Variants in ZBBX observed in about 807,000 individuals in gnomAD.
The protein encoded by ZBBX is zinc finger B-box domain containing.
Under a neutral mutation model 108.5 loss-of-function variants are expected in ZBBX, and 101 were observed. The ratio of observed to expected loss-of-function variants is 0.93; its 90% CI spans 0.79 to 1.10. The LOEUF (loss-of-function observed/expected upper bound fraction) is 1.10. Ranked by LOEUF, ZBBX falls within the 50% of genes least tolerant of loss-of-function variation. The probability of loss-of-function intolerance (pLI) is 0.00; values close to 1 mark genes in which losing one functional copy is unlikely to be tolerated. For missense variants in ZBBX, 1,009 were observed against 941.4 expected, an observed-to-expected ratio of 1.07 and a Z score of -0.94; for synonymous variants, 356 against 323.4, an observed-to-expected ratio of 1.10 and a Z score of -1.08.
chr3:167,183,927 A>C, the ZBBX span, among the ~76,000 whole-genome samples: 2 of 152,346 alleles, frequency 1.3e-5, no homozygotes, highest in African/African-American at 4.8e-5. Flanking sequence ...AGTCTGAGGA[A>C]TCATGAGAAC....
chr3:167,319,563 G>A (rs1736067345), intron 12 of ZBBX, among the ~76,000 whole-genome samples: 1 of 151,932 alleles, frequency 6.6e-6, no homozygotes, highest in Non-Finnish European at 1.5e-5. Context: ...AACCTTAAAG[G>A]AGGTAAGAAA....
chr3:167,358,935 C>CAAAA (rs59753251), intron 8 of ZBBX, among the ~76,000 whole-genome samples: 6 of 66,240 alleles, frequency 9.1e-5, no homozygotes, highest in Non-Finnish European at 1.5e-4. Context: ...GACTCCATCT[C>CAAAA]AAAAAAAAAA....
intron 10 of ZBBX, 86 bp downstream of exon 10, chr3:167,333,741 A>G: frequency 8.4e-7 from 1 of 1,187,576 alleles, no homozygotes; most frequent in Non-Finnish European, 1.1e-6. Flanking sequence ...TATTGGTGAA[A>G]TTCTATAGCT....
At chr3:167,299,179 G>A (rs957308464) in intron 17 of ZBBX, among the ~76,000 whole-genome samples, 2 of 152,038 alleles carry the variant, frequency 1.3e-5, no homozygotes, top group South Asian at 2.1e-4. Context: ...TGAGGTTATA[G>A]TATAATCAGA....
At chr3:167,345,780 A>C (rs1741338361) in intron 9 of ZBBX, among the ~76,000 whole-genome samples, 1 of 151,864 alleles carries the variant, frequency 6.6e-6, no homozygotes. Context: ...AAAAAGAACA[A>C]AGCTGGAGGC....
At chr3:167,212,642 C>A in the ZBBX span, among the ~76,000 whole-genome samples, 1 of 152,138 alleles carries the variant, frequency 6.6e-6, no homozygotes, top group African/African-American at 2.4e-5. Context: ...CCCTTGGCTA[C>A]AACCACTACT....
chr3:167,277,266 G>T (rs573333388), intron 20 of ZBBX, among the ~76,000 whole-genome samples: 1 of 152,076 alleles, frequency 6.6e-6, no homozygotes, highest in Admixed American at 6.5e-5. Flanking sequence ...AATGTAAATG[G>T]ACTAAATGCT....
the ZBBX span, among the ~76,000 whole-genome samples, chr3:167,218,574 A>G: frequency 6.6e-6 from 1 of 152,272 alleles, no homozygotes; most frequent in East Asian, 1.9e-4. Context: ...ATAATGGGTT[A>G]TAAGATATTA....
rs566250662 is a variant in ZBBX, at chr3:167,377,954, G to A, written c.-132+1684C>T. 2.0e-5 allele frequency among the ~76,000 whole-genome samples: 3 copies of A among 152,228 alleles called. No individual in the cohort carries two copies. In the East Asian group the frequency reaches 5.8e-4, roughly 29 times the overall value. ...ACAGTTTCCCCCACGCTATTTTCGT[G>A]ATAGTAAGTTCTCATGAGATCTGAT... is the stretch of plus-strand genomic sequence containing the variant. On this transcript the variant is annotated intron_variant, in intron 2 of 21. Coordinates refer to ENST00000675490, the MANE Select transcript of ZBBX (RefSeq NM_001199201.2).
chr3:167,254,536 G>C (rs1723137799), intron 20 of ZBBX, among the ~76,000 whole-genome samples: 1 of 152,088 alleles, frequency 6.6e-6, no homozygotes. Context: ...ATATAGACAA[G>C]CTTGAGATAA....
At chr3:167,344,875 A>G (rs7647253) in intron 9 of ZBBX, among the ~76,000 whole-genome samples, 122,246 of 151,612 alleles carry the variant, frequency 0.81, 49,333 homozygotes, top group East Asian at 0.94. Context: ...TACACTTACC[A>G]TAAGTATGTT....
At chr3:167,187,374 C>T in the ZBBX span, among the ~76,000 whole-genome samples, 3 of 152,150 alleles carry the variant, frequency 2.0e-5, no homozygotes, top group Admixed American at 1.3e-4. Flanking sequence ...AAGAGTAGCT[C>T]ATGGGATATT....
the ZBBX span, among the ~76,000 whole-genome samples, chr3:167,189,027 T>C: frequency 2.0e-5 from 3 of 152,192 alleles, no homozygotes; most frequent in African/African-American, 7.2e-5. Flanking sequence ...TTGAGAGATG[T>C]ATAGACATGG....
chr3:167,302,606 T>G (rs570771440), intron 17 of ZBBX, among the ~76,000 whole-genome samples: 1 of 152,344 alleles, frequency 6.6e-6, no homozygotes, highest in South Asian at 2.1e-4. Flanking sequence ...AGCTTTACTC[T>G]TTCTACTTGC....
intron 19 of ZBBX, among the ~76,000 whole-genome samples, chr3:167,286,492 T>C (rs1239177887): frequency 1.3e-5 from 2 of 152,076 alleles, no homozygotes; most frequent in Non-Finnish European, 2.9e-5. Flanking sequence ...TGACTATAAA[T>C]AGTAGAATAT....
chr3:167,270,744 C>A (rs1421781518), intron 20 of ZBBX, among the ~76,000 whole-genome samples: 2 of 152,104 alleles, frequency 1.3e-5, no homozygotes, highest in Non-Finnish European at 2.9e-5. Flanking sequence ...AATACTAAAT[C>A]AAAAAGCTGG....
At chr3:167,325,635 G>A (rs1232233817) in intron 11 of ZBBX, among the ~76,000 whole-genome samples, 1 of 151,962 alleles carries the variant, frequency 6.6e-6, no homozygotes, top group East Asian at 1.9e-4. Context: ...CCTCCACTTA[G>A]GCTGTAAGTT....
At chr3:167,293,255 A>T (rs1731034547) in intron 18 of ZBBX, among the ~76,000 whole-genome samples, 1 of 152,160 alleles carries the variant, frequency 6.6e-6, no homozygotes, top group African/African-American at 2.4e-5. Context: ...AAAAAAAGAA[A>T]ATTTCAGGCC....
chr3:167,373,093 A>G (rs1046233454), intron 3 of ZBBX, 143 bp from the exon 4 acceptor site: 3 of 496,042 alleles, frequency 6.0e-6, no homozygotes, highest in Admixed American at 3.8e-5. Context: ...CAAAAATTAT[A>G]CACTGTTAGC....
Sources: allele counts gnomAD v4.1 joint callset (sites outside exome capture counted in the v4.1 genomes callset), GRCh38; gene constraint gnomAD v4.1.1; transcripts MANE v1.5; gene names NCBI Gene and HGNC (gene_info 2026-07-23, HGNC 2026-07-21).